Variants in CTNND2 observed in about 807,000 individuals in gnomAD.
CTNND2 encodes the protein catenin delta-2.
A neutral mutation model predicts 144.4 loss-of-function variants in CTNND2; 22 were observed. That is an observed-to-expected ratio of 0.15 (90% CI 0.11 to 0.22). CTNND2 has a LOEUF of 0.22. CTNND2 is among the 10% of genes least tolerant of loss of function. CTNND2 has a pLI of 1.00. For missense variants in CTNND2, 1,353 were observed against 1,618.8 expected, an observed-to-expected ratio of 0.84 and a Z score of 2.82; for synonymous variants, 751 against 695.6, an observed-to-expected ratio of 1.08 and a Z score of -1.25.
At chr5:11,596,948 G>C (rs1009678083) in intron 2 of CTNND2, among the ~76,000 whole-genome samples, 6 of 152,018 alleles carry the variant, frequency 3.9e-5, no homozygotes, top group African/African-American at 9.7e-5. Flanking sequence ...ATTTCTTCTT[G>C]ACTGCCTGAG....
chr5:11,876,656 C>G (rs1707360181), intron 1 of CTNND2, among the ~76,000 whole-genome samples: 1 of 152,096 alleles, frequency 6.6e-6, no homozygotes, highest in Admixed American at 6.6e-5. Context: ...GCTTTTAAAA[C>G]ACACCACATT....
intron 10 of CTNND2, among the ~76,000 whole-genome samples, chr5:11,232,671 C>G (rs1488441057): frequency 6.6e-6 from 1 of 152,180 alleles, no homozygotes; most frequent in East Asian, 1.9e-4. Context: ...TGCCTTGTCT[C>G]AGATGAGACT....
chr5:11,847,556 G>A (rs1457335139), intron 1 of CTNND2, among the ~76,000 whole-genome samples: 2 of 151,998 alleles, frequency 1.3e-5, no homozygotes, highest in African/African-American at 2.4e-5. Context: ...TAAGTGTTGT[G>A]TTCTGTTGCA....
At chr5:11,202,609 T>C (rs1018856799) in intron 10 of CTNND2, among the ~76,000 whole-genome samples, 3 of 152,130 alleles carry the variant, frequency 2.0e-5, no homozygotes, top group African/African-American at 7.2e-5. Flanking sequence ...TGAAATGGGA[T>C]GGCCAGGTCC....
At position 11,682,165 on chromosome 5, in the gene CTNND2, C is replaced by T. The variant is rs185365269; in HGVS notation, c.174+49971G>A. Reference sequence around the variant, plus strand: ...TTTCTACAAAGAAGACATGCATCGGCGGCACACTGGTTTAACGTATCACAG... The same window carrying T: ...TTTCTACAAAGAAGACATGCATCGGTGGCACACTGGTTTAACGTATCACAG... On this transcript the variant is annotated intron_variant, in intron 2 of 21. Transcript: ENST00000304623. 7.3e-4 allele frequency among the ~76,000 whole-genome samples: 111 copies of T among 152,308 alleles called. 1 individual carries two copies. The highest frequency in any genetic ancestry group is 2.9e-4 in the Non-Finnish European group (20 of 68,028).
At chr5:11,313,943 C>T (rs981813226) in intron 9 of CTNND2, among the ~76,000 whole-genome samples, 3 of 151,982 alleles carry the variant, frequency 2.0e-5, no homozygotes, top group Non-Finnish European at 2.9e-5. Flanking sequence ...AACCAGATCT[C>T]GTGAGAACTC....
intron 3 of CTNND2, among the ~76,000 whole-genome samples, chr5:11,468,548 T>C (rs1389059762): frequency 6.6e-6 from 1 of 152,074 alleles, no homozygotes; most frequent in Non-Finnish European, 1.5e-5. Flanking sequence ...AGATACAGTA[T>C]CCAATATGTC....
chr5:11,699,486 G>C (rs1785318285), intron 2 of CTNND2, among the ~76,000 whole-genome samples: 1 of 152,110 alleles, frequency 6.6e-6, no homozygotes, highest in Non-Finnish European at 1.5e-5. Context: ...ATGAGAAATT[G>C]AATAAAAAGT....
intron 3 of CTNND2, among the ~76,000 whole-genome samples, chr5:11,434,793 T>G (rs1010483144): frequency 6.6e-6 from 1 of 152,184 alleles, no homozygotes; most frequent in Non-Finnish European, 1.5e-5. Context: ...GCCTCCTATA[T>G]TAATAGTATA....
intron 10 of CTNND2, among the ~76,000 whole-genome samples, chr5:11,215,679 G>A (rs1039770829): frequency 6.6e-6 from 1 of 152,074 alleles, no homozygotes; most frequent in Non-Finnish European, 1.5e-5. Flanking sequence ...CTAAAATGGG[G>A]AAAAATCTAA....
At chr5:11,008,983 C>T (rs148745105) in intron 18 of CTNND2, among the ~76,000 whole-genome samples, 1 of 152,312 alleles carries the variant, frequency 6.6e-6, no homozygotes, top group African/African-American at 2.4e-5. Flanking sequence ...TTCATGCCCG[C>T]CCATCGCATG....
At chr5:11,584,189 G>A (rs888477818) in intron 2 of CTNND2, among the ~76,000 whole-genome samples, 6 of 152,174 alleles carry the variant, frequency 3.9e-5, no homozygotes, top group Non-Finnish European at 7.3e-5. Flanking sequence ...TAAAATTCAT[G>A]AAGAAGGAAC....
chr5:11,159,556 A>C lies in CTNND2; in HGVS notation c.2159+20T>G. 6.3e-7 allele frequency: 1 copy of C among 1,578,048 alleles called. No homozygotes were observed. The highest frequency in any genetic ancestry group is 8.6e-7 in the Non-Finnish European group (1 of 1,159,964). ...CCAGGGGAAGATGGTGGGAGGAGGC[A>C]CTCGTGACACAGGACTGACCTTAGG... On this transcript the variant is annotated intron_variant, in intron 12 of 21. Transcript: ENST00000304623.
At chr5:11,117,282 GA>G in intron 13 of CTNND2, among the ~76,000 whole-genome samples, 167 bp downstream of exon 13, 1 of 152,138 alleles carries the variant, frequency 6.6e-6, no homozygotes, top group Non-Finnish European at 1.5e-5. Context: ...ATCCATGCTA[GA>G]ATTAGAAGCC....
intron 1 of CTNND2, among the ~76,000 whole-genome samples, chr5:11,768,278 GT>G (rs1789711619): frequency 6.7e-6 from 1 of 148,846 alleles, no homozygotes; most frequent in South Asian, 2.1e-4. Flanking sequence ...GTTTTGTTTT[GT>G]TTTGTTTTGT....
At chr5:11,144,980 C>T (rs979408225) in intron 12 of CTNND2, among the ~76,000 whole-genome samples, 3 of 152,066 alleles carry the variant, frequency 2.0e-5, no homozygotes, top group South Asian at 2.1e-4. Flanking sequence ...AGCAGCCATC[C>T]GTTTCTGATT....
chr5:11,240,369 C>A, intron 9 of CTNND2, among the ~76,000 whole-genome samples: 1 of 59,400 alleles, frequency 1.7e-5, no homozygotes, highest in Non-Finnish European at 3.2e-5. Flanking sequence ...TCACACACAC[C>A]CAACACACAC....
At chr5:11,468,510 A>G (rs1766872287) in intron 3 of CTNND2, among the ~76,000 whole-genome samples, 1 of 152,150 alleles carries the variant, frequency 6.6e-6, no homozygotes, top group Non-Finnish European at 1.5e-5. Context: ...GCCCATCCAC[A>G]GAGCAGCAGG....
intron 10 of CTNND2, among the ~76,000 whole-genome samples, chr5:11,216,133 G>A (rs1056160089): frequency 5.9e-5 from 9 of 152,144 alleles, no homozygotes; most frequent in Non-Finnish European, 1.3e-4. Flanking sequence ...GTGGCATCCT[G>A]CAGGCAGACG....
Sources: allele counts gnomAD v4.1 joint callset (sites outside exome capture counted in the v4.1 genomes callset), GRCh38; gene constraint gnomAD v4.1.1; transcripts MANE v1.5; gene names NCBI Gene and HGNC (gene_info 2026-07-23, HGNC 2026-07-21).